The following GALNS variants were observed in gnomAD, a reference collection of about 807,000 sequenced individuals.
GALNS encodes N-acetylgalactosamine-6-sulfatase.
A neutral mutation model predicts 65.9 loss-of-function variants in GALNS; 65 were observed. The observed-to-expected ratio is 0.99, with a 90% CI of 0.81 to 1.21. The LOEUF is 1.21. Among genes scored for constraint, GALNS ranks in the 50% most tolerant of loss-of-function variants. The probability of loss-of-function intolerance (pLI) is 0.00; values close to 1 mark genes in which losing one functional copy is unlikely to be tolerated. For missense variants in GALNS, 776 were observed against 700.7 expected (o/e 1.11, Z -1.21); for synonymous variants, 346 against 288.9 (o/e 1.20, Z -2.00).
At chr16:88,837,956 CG>C (rs2143002587) in intron 4 of GALNS, 191 bp from the exon 5 acceptor site, 1 of 610,796 alleles carries the variant, frequency 1.6e-6, no homozygotes, top group East Asian at 2.8e-5. Flanking sequence ...TGGCACTGCC[CG>C]CCTACCCTGC....
chr16:88,853,188 T>C (rs1166867542), intron 1 of GALNS, among the ~76,000 whole-genome samples: 1 of 133,268 alleles, frequency 7.5e-6, no homozygotes, highest in Non-Finnish European at 1.6e-5. Flanking sequence ...GAGACGGAGG[T>C]TGCAGTGAGC....
Position 88,835,419 on chromosome 16 carries a change from C to T in GALNS, c.759-67G>A, listed in dbSNP as rs565875595. The stretch of plus-strand genomic sequence containing the variant: ...GGTGACAAATGGATCAGGCAGCCAA[C>T]GGCATACTGTGATTCACGGAGTTCA... On this transcript the variant is annotated intron_variant, in intron 7 of 13. Coordinates refer to ENST00000268695, the MANE Select transcript of GALNS (RefSeq NM_000512.5). 3.5e-3 allele frequency: 5,580 copies of T among 1,586,626 alleles called. 16 individuals carry two copies. The highest frequency in any genetic ancestry group is 4.3e-3 in the Non-Finnish European group (4,939 of 1,158,536).
chr16:88,817,622 AAGG>A (rs1355838016), intron 13 of GALNS, among the ~76,000 whole-genome samples: 4 of 152,190 alleles, frequency 2.6e-5, no homozygotes, highest in Admixed American at 1.3e-4. Flanking sequence ...GGGCCCCTGC[AAGG>A]AGAAGCTGCC....
chr16:88,823,506 C>T (rs1467758020), intron 11 of GALNS, among the ~76,000 whole-genome samples: 1 of 149,252 alleles, frequency 6.7e-6, no homozygotes, highest in Non-Finnish European at 1.5e-5. Context: ...GGGACCGATG[C>T]CCAGGACGGC....
At chr16:88,814,612 C>G in intron 13 of GALNS, 87 bp from the exon 14 acceptor site, 1 of 1,542,008 alleles carries the variant, frequency 6.5e-7, no homozygotes, top group Non-Finnish European at 8.7e-7. Flanking sequence ...TGTTGCTGTT[C>G]TGAGACAGTC....
intron 1 of GALNS, among the ~76,000 whole-genome samples, chr16:88,850,075 A>G (rs1400306269): frequency 1.3e-5 from 2 of 152,202 alleles, no homozygotes; most frequent in Admixed American, 6.5e-5. Context: ...CCGAGTGCAG[A>G]TTCATCCTCT....
intron 1 of GALNS, among the ~76,000 whole-genome samples, chr16:88,854,886 C>G (rs942562911): frequency 2.6e-5 from 4 of 152,268 alleles, no homozygotes; most frequent in Admixed American, 1.3e-4. Context: ...CACAGCTCCT[C>G]TGGGGTTCTT....
At chr16:88,827,395 T>A (rs1384624957) in intron 9 of GALNS, among the ~76,000 whole-genome samples, 2 of 152,216 alleles carry the variant, frequency 1.3e-5, no homozygotes, top group African/African-American at 4.8e-5. Flanking sequence ...TGACCAGCCA[T>A]GAGCAGAGCG....
At chr16:88,814,747 C>T (rs532236023) in intron 13 of GALNS, 108 of 239,706 alleles carry the variant, frequency 4.5e-4, no homozygotes, top group South Asian at 1.1e-3. Context: ...ATTACAGGCA[C>T]GCGCCACCAC....
At chr16:88,836,364 A>C (rs1467242529) in intron 5 of GALNS, 97 bp from the exon 6 acceptor site, 10 of 1,022,006 alleles carry the variant, frequency 9.8e-6, no homozygotes, top group Admixed American at 2.0e-5. Context: ...TTCATTTAAA[A>C]GAAGGCTAGG....
chr16:88,833,034 C>T (rs1029749812), intron 8 of GALNS, among the ~76,000 whole-genome samples: 7 of 146,276 alleles, frequency 4.8e-5, no homozygotes, highest in South Asian at 2.2e-4. Context: ...GCTGAGATCG[C>T]GCCACTGCAC....
intron 12 of GALNS, 70 bp downstream of exon 12, chr16:88,822,519 T>C: frequency 6.3e-7 from 1 of 1,597,976 alleles, no homozygotes; most frequent in Non-Finnish European, 8.5e-7. Context: ...GCTCTGTCCC[T>C]GTGGAGCCTG....
intron 5 of GALNS, among the ~76,000 whole-genome samples, chr16:88,836,786 C>G (rs1190229800): frequency 3.9e-5 from 6 of 152,246 alleles, no homozygotes. Context: ...CTGCAATAAC[C>G]TGCCACATGG....
chr16:88,814,333 C>G lies in GALNS; in HGVS notation c.*106G>C. The G allele has an allele frequency of 6.9e-7, 1 of 1,446,016 alleles. No homozygotes were observed. The highest frequency in any genetic ancestry group is 2.5e-5 in the East Asian group (1 of 40,246). The allele number at this position is 1,446,016 out of a possible 1,614,324, so 89.6% of individuals were successfully genotyped here. ...CCCTGCGTCTGCAGGTGCTGTCTGT[C>G]TGGCTTGGGCAGGGTTGGGGGAGGA... On this transcript the variant is annotated 3_prime_UTR_variant, in exon 14 of 14. Coordinates refer to ENST00000268695, the MANE Select transcript of GALNS (RefSeq NM_000512.5).
At chr16:88,853,862 C>T (rs1262952109) in intron 1 of GALNS, among the ~76,000 whole-genome samples, 1 of 152,190 alleles carries the variant, frequency 6.6e-6, no homozygotes, top group African/African-American at 2.4e-5. Context: ...GGTGGGGGCT[C>T]TTGCCAGCTG....
intron 13 of GALNS, 78 bp from the exon 14 acceptor site, chr16:88,814,603 G>A: frequency 6.5e-7 from 1 of 1,545,430 alleles, no homozygotes; most frequent in Non-Finnish European, 8.7e-7. Flanking sequence ...GCATTTTGTT[G>A]TTGCTGTTCT....
At position 88,856,788 on chromosome 16, in the gene GALNS, G is replaced by T; in HGVS notation, c.90C>A (p.Pro30=). 1 of 1,543,886 alleles carries T rather than the reference G, an allele frequency of 6.5e-7. No individual in the cohort carries two copies. The highest frequency in any genetic ancestry group is 1.2e-5 in the South Asian group (1 of 84,308). ...CCATGAGCAGGAGCAGGATGTTGGG[G>T]GGCTGCGGGGCGCCCGAGGCCCCCA... is the stretch of plus-strand genomic sequence containing the variant. ...AGMGASGAPQ[P]PNILLLLMDD... is the part of the protein sequence containing the mutation. Residue 30 remains proline (P), a synonymous_variant, in exon 1 of 14, where the codon CCC becomes CCA. Coordinates refer to ENST00000268695, the MANE Select transcript of GALNS (RefSeq NM_000512.5).
chr16:88,834,777 T>TC (rs1911934693), intron 8 of GALNS, among the ~76,000 whole-genome samples: 1 of 151,428 alleles, frequency 6.6e-6, no homozygotes, highest in Non-Finnish European at 1.5e-5. Context: ...GGGGCAGGAG[T>TC]CCATCTTCAT....
intron 13 of GALNS, chr16:88,815,230 G>A (rs79999947): frequency 0.051 from 50,739 of 985,434 alleles, 1,391 homozygotes; most frequent in Middle Eastern, 0.12. Flanking sequence ...AACTTGGTGG[G>A]GAGGTCCCGG....
Sources: gnomAD v4.1 joint callset for allele counts (sites outside exome capture counted in the v4.1 genomes callset) on GRCh38, gnomAD v4.1.1 for gene constraint, MANE v1.5 for transcripts, NCBI Gene and HGNC (gene_info 2026-07-23, HGNC 2026-07-21) for gene names.